HERC2: variants seen among roughly 807,000 people sequenced by gnomAD.
HERC2 encodes the protein HECT and RLD domain containing E3 ubiquitin protein ligase 2, also known as E3 ubiquitin-protein ligase HERC2.
HERC2 carries 102 observed loss-of-function variants against 537.7 expected under a neutral mutation model. The ratio of observed to expected loss-of-function variants is 0.19; its 90% confidence interval spans 0.16 to 0.22. HERC2 has a LOEUF of 0.22. Among genes scored for constraint, HERC2 ranks in the 10% least tolerant of loss-of-function variants. The probability of loss-of-function intolerance (pLI) is 1.00; values close to 1 mark genes in which losing one functional copy is unlikely to be tolerated. For missense variants in HERC2, 4,236 were observed against 6,198.2 expected (o/e 0.68, Z 10.63); for synonymous variants, 2,224 against 2,466.2 (o/e 0.90, Z 2.91).
chr15:28,303,685 G>A (rs4092027), intron 2 of HERC2, among the ~76,000 whole-genome samples: 11 of 152,140 alleles, frequency 7.2e-5, no homozygotes, highest in East Asian at 1.9e-4. Flanking sequence ...CCATGAACAC[G>A]GAGTATCTTT....
rs554293555 is a variant in HERC2 at position 28,186,680 on chromosome 15, T to C, written c.8722A>G (p.Ile2908Val). Residue 2908 changes from isoleucine to valine, a missense_variant, in exon 56 of 93, where the codon ATC becomes GTC. Physicochemically the swap from Ile to Val is conservative, Grantham distance 29 (BLOSUM62 3). Around this residue, in one of 27 missense-constraint regions of HERC2, gnomAD observed 606 missense variants for 884.5 expected, o/e 0.69. Coordinates refer to ENST00000261609, the MANE Select transcript of HERC2 (RefSeq NM_004667.6). ...SGIDCKIHGL[I>V]LLGRIRAEEE... ...TCTGCACGGATCCGTCCCAGCAGGA[T>C]GAGACCATGGATTTTACAATCGATT... The C allele has an allele frequency of 6.2e-7, 1 of 1,614,120 alleles. No individual in the cohort carries two copies. Among genetic ancestry groups the C allele is most frequent in the East Asian group, 2.2e-5 (1 of 44,878 alleles).
chr15:28,277,831 T>C (rs2075916105), intron 5 of HERC2, among the ~76,000 whole-genome samples: 1 of 152,196 alleles, frequency 6.6e-6, no homozygotes, highest in African/African-American at 2.4e-5. Flanking sequence ...CAGTCGTCCC[T>C]TGGTATCTGT....
chr15:28,317,217 A>G (rs1309030743), intron 2 of HERC2, among the ~76,000 whole-genome samples: 13 of 152,072 alleles, frequency 8.5e-5, no homozygotes, highest in African/African-American at 3.1e-4. Context: ...CAACCTCCCA[A>G]GTAGCTGGGA....
At chr15:28,214,634 G>A (rs1335086751) in intron 40 of HERC2, 21 bp downstream of exon 40, 1 of 1,610,294 alleles carries the variant, frequency 6.2e-7, no homozygotes. Context: ...CAGGGCACAG[G>A]GAAGGTAGAC....
At position 28,196,288 on chromosome 15, in the gene HERC2, A is replaced by G. The variant is rs146864624; in HGVS notation, c.8187T>C (p.Phe2729=). 548 of 1,460,196 alleles carry G rather than the reference A, an allele frequency of 3.8e-4. 1 individual carries two copies. In the African/African-American group the frequency reaches 6.4e-3, roughly 17 times the overall value. The allele number at this position is 1,460,196 out of a possible 1,614,324, so 90.5% of individuals were successfully genotyped here. Residue 2729 remains phenylalanine, a synonymous_variant, in exon 52 of 93, where the codon TTT becomes TTC. Coordinates refer to ENST00000261609, the MANE Select transcript of HERC2 (RefSeq NM_004667.6). ...TCTTGAAACACGTTTCACAAAAATCAAAGTCATCACAGTTTCTGCATTTGA... is the reference window on the plus strand; with the variant it reads ...TCTTGAAACACGTTTCACAAAAATCGAAGTCATCACAGTTTCTGCATTTGA... ...SRFKCRNCDD[F]DFCETCFKTK...
At chr15:28,272,459 A>C in intron 8 of HERC2, 73 bp from the exon 9 acceptor site, 1 of 1,354,740 alleles carries the variant, frequency 7.4e-7, no homozygotes, top group African/African-American at 1.4e-5. Flanking sequence ...CAAAAATAAA[A>C]GCAAATAGCT....
chr15:28,171,003 G>C (rs1894639759), intron 65 of HERC2, among the ~76,000 whole-genome samples: 1 of 152,162 alleles, frequency 6.6e-6, no homozygotes, highest in Non-Finnish European at 1.5e-5. Flanking sequence ...GGAAAAACTG[G>C]ATCATCCTCC....
intron 10 of HERC2, among the ~76,000 whole-genome samples, chr15:28,270,135 T>C (rs887172087): frequency 1.3e-5 from 2 of 152,056 alleles, no homozygotes; most frequent in Admixed American, 1.3e-4. Flanking sequence ...CTAATTTTTG[T>C]ATTTTTAAGT....
At chr15:28,219,162 TATCAA>T in intron 37 of HERC2, among the ~76,000 whole-genome samples, 1 of 152,194 alleles carries the variant, frequency 6.6e-6, no homozygotes, top group Non-Finnish European at 1.5e-5. Flanking sequence ...AAACACAACT[TATCAA>T]ATGTCAAGCG....
chr15:28,146,387 C>T (rs1382956086), intron 70 of HERC2, 43 bp from the exon 71 acceptor site: 12 of 1,331,164 alleles, frequency 9.0e-6, no homozygotes, highest in Non-Finnish European at 1.3e-5. Flanking sequence ...CACTCCAGAT[C>T]AGCACCCAAA....
At chr15:28,193,500 G>C (rs1257105186) in intron 52 of HERC2, among the ~76,000 whole-genome samples, 1 of 152,112 alleles carries the variant, frequency 6.6e-6, no homozygotes, top group African/African-American at 2.4e-5. Context: ...TAACACAAAT[G>C]AAAGAAGAGT....
chr15:28,152,809 G>C lies in HERC2; in HGVS notation c.10768C>G (p.Leu3590Val), dbSNP rs1308206658. 1 of 1,560,504 alleles carries C rather than the reference G, an allele frequency of 6.4e-7. No individual in the cohort carries two copies. The highest frequency in any genetic ancestry group is 1.9e-5 in the Admixed American group (1 of 52,832). The change falls in exon 70 of 93, where the codon CTC (leucine) becomes GTC (valine). Residue 3590 changes from leucine to valine, a missense_variant. Transcript: ENST00000261609. The part of the protein sequence containing the change: ...YPQVADMLLE[L>V]CVTELEDVAT... ...ACATCCTCCAACTCGGTGACACAGA[G>C]CTCCAACAGCATATCTGCCACCTGG...
At chr15:28,282,843 A>T (rs974295390) in intron 4 of HERC2, among the ~76,000 whole-genome samples, 1 of 151,952 alleles carries the variant, frequency 6.6e-6, no homozygotes, top group African/African-American at 2.4e-5. Context: ...GAGACAGAAG[A>T]ATCATTCGAA....
At position 28,299,442 on chromosome 15, in the gene HERC2, T is replaced by G; in HGVS notation, c.147A>C (p.Gly49=). Residue 49 remains glycine (G), a synonymous_variant, in exon 3 of 93, where the codon GGA becomes GGC. Coordinates refer to ENST00000261609, the MANE Select transcript of HERC2 (RefSeq NM_004667.6). Reference sequence around the variant, plus strand: ...GCTCTCCGTTCTGGGTTGATTCTGTTCCAGTGTATACAATTTCTCCATCTT... The same window carrying G: ...GCTCTCCGTTCTGGGTTGATTCTGTGCCAGTGTATACAATTTCTCCATCTT... ...MVKDGEIVYT[G]TESTQNGELP... 6.3e-7 allele frequency: 1 copy of G among 1,598,372 alleles called. No individual in the cohort carries two copies. Among genetic ancestry groups the G allele is most frequent in the Non-Finnish European group, 8.6e-7 (1 of 1,165,878 alleles).
rs1895279703 is a variant in HERC2, at chr15:28,176,258, T to C, written c.9686+170A>G. The stretch of plus-strand genomic sequence containing the variant: ...CCAGTTACAATGGGAAATTTCTTCT[T>C]GTACTATTGTCACTAATCCCAACTC... On this transcript the variant is annotated intron_variant, in intron 63 of 92. Coordinates refer to ENST00000261609, the MANE Select transcript of HERC2 (RefSeq NM_004667.6). This position sits in a 1 kb window ranked among gnomAD's most constrained non-coding sequence, Gnocchi z 5.0. Among the ~76,000 whole-genome samples, 1 of 152,232 alleles carries C rather than the reference T, an allele frequency of 6.6e-6. No homozygotes were observed. The highest frequency in any genetic ancestry group is 2.1e-4 in the South Asian group (1 of 4,830).
At chr15:28,212,177 C>G (rs533102717) in intron 43 of HERC2, among the ~76,000 whole-genome samples, 155 of 152,344 alleles carry the variant, frequency 1.0e-3, no homozygotes, top group Admixed American at 2.9e-3. Flanking sequence ...ACACAGACTT[C>G]TCTTCCGGGA....
chr15:28,253,185 C>T (rs59546649), intron 20 of HERC2, among the ~76,000 whole-genome samples: 2,956 of 146,588 alleles, frequency 0.02, 91 homozygotes, highest in African/African-American at 0.075. Flanking sequence ...CAACACTGAC[C>T]GTTTTGGCTT....
At chr15:28,319,934 G>C (rs1026449268) in intron 2 of HERC2, among the ~76,000 whole-genome samples, 2 of 152,168 alleles carry the variant, frequency 1.3e-5, no homozygotes, top group Non-Finnish European at 2.9e-5. Flanking sequence ...TCAGAAATAT[G>C]AAAGTACTCA....
Position 28,125,081 on chromosome 15 carries a change from A to C in HERC2, c.12915T>G (p.Arg4305=). The part of the protein sequence containing the change: ...VAALQGKKVN[R]VACGSAHTLA... Reference sequence around the variant, plus strand: ...GGGTATGTGCTGAGCCACAGGCCACACGGTTGACCTTCTTACCCTGAAGGG... The same window carrying C: ...GGGTATGTGCTGAGCCACAGGCCACCCGGTTGACCTTCTTACCCTGAAGGG... Residue 4305 remains arginine, a synonymous_variant, in exon 84 of 93, where the codon CGT becomes CGG. Transcript: ENST00000261609. The C allele has an allele frequency of 6.2e-7, 1 of 1,613,954 alleles. No individual in the cohort carries two copies. Among genetic ancestry groups the C allele is most frequent in the African/African-American group, 1.3e-5 (1 of 75,058 alleles).
Sources: gnomAD v4.1 joint callset for allele counts (sites outside exome capture counted in the v4.1 genomes callset) on GRCh38, gnomAD v4.1.1 for gene constraint, gnomAD v4.1.1 regional missense constraint, Gnocchi (gnomAD v3.1) non-coding constraint, MANE v1.5 for transcripts, NCBI Gene and HGNC (gene_info 2026-07-23, HGNC 2026-07-21) for gene names.